CSE1L: variants seen among roughly 807,000 people sequenced by gnomAD.
The protein encoded by CSE1L is chromosome segregation 1 like, also known as exportin-2.
A neutral mutation model predicts 120.4 loss-of-function variants in CSE1L; 24 were observed. That is an observed-to-expected ratio of 0.20 (90% CI 0.14 to 0.28). The LOEUF (loss-of-function observed/expected upper bound fraction) is 0.28, where lower values mean the gene tolerates loss of function less well. Among genes scored for constraint, CSE1L ranks in the 10% least tolerant of loss-of-function variants. The pLI is 1.00. For synonymous variants in CSE1L, 402 were observed against 398.3 expected (o/e 1.01, Z -0.11); for missense variants, 830 against 1,145.2 (o/e 0.72, Z 3.97).
At chr20:49,075,217 C>G (rs890229918) in intron 11 of CSE1L, 101 bp from the exon 12 acceptor site, 1 of 959,430 alleles carries the variant, frequency 1.0e-6, no homozygotes, top group Non-Finnish European at 1.5e-6. Context: ...GTTTTACAAT[C>G]GTAGCCAAAT....
rs1413169724 is a variant in CSE1L at position 49,096,733 on chromosome 20, T to G, written c.*295T>G. 3.0e-6 allele frequency: 1 copy of G among 328,358 alleles called. No homozygotes were observed. The highest frequency in any genetic ancestry group is 2.1e-5 in the African/African-American group (1 of 46,866). The allele number at this position is 328,358 out of a possible 1,614,324, so 20.3% of individuals were successfully genotyped here. A position where few individuals can be genotyped will look rare whatever the true frequency, so the allele number is the denominator to read the frequency against. On this transcript the variant is annotated 3_prime_UTR_variant, in exon 25 of 25. Coordinates refer to ENST00000262982, the MANE Select transcript of CSE1L (RefSeq NM_001316.4). ...GCACGGTTTGGATAATCTTAAATTT[T>G]GACGGACACTGTGGAGACTTTCTGT... is the stretch of plus-strand genomic sequence containing the variant.
At chr20:49,065,586 ATTTTTT>A (rs1169151375) in intron 3 of CSE1L, among the ~76,000 whole-genome samples, 5 of 76,320 alleles carry the variant, frequency 6.6e-5, no homozygotes, top group Non-Finnish European at 9.4e-5. Context: ...TAAAATGGAA[ATTTTTT>A]TTTTTTTTTT....
chr20:49,058,632 T>G (rs747648935), intron 2 of CSE1L, 84 bp downstream of exon 2: 17 of 1,050,380 alleles, frequency 1.6e-5, no homozygotes, highest in Non-Finnish European at 2.4e-5. Context: ...TCCTTATAAA[T>G]ATATTTTAAA....
At chr20:49,071,569 G>A (rs1406070895) in intron 8 of CSE1L, among the ~76,000 whole-genome samples, 2 of 151,974 alleles carry the variant, frequency 1.3e-5, no homozygotes, top group Non-Finnish European at 2.9e-5. Context: ...CTGCAGCTTC[G>A]ACCTCCCTGG....
intron 7 of CSE1L, among the ~76,000 whole-genome samples, chr20:49,069,830 A>G (rs1568772348): frequency 6.6e-6 from 1 of 152,238 alleles, no homozygotes; most frequent in Admixed American, 6.5e-5. Flanking sequence ...TAACTAAAAG[A>G]CAATTAGTTT....
chr20:49,075,497 G>A lies in CSE1L; in HGVS notation c.1312G>A (p.Ala438Thr). The change falls in exon 12 of 25, where the codon GCA (alanine) becomes ACA (threonine). Residue 438 changes from alanine (A) to threonine (T), a missense_variant. By Grantham distance (58) the Ala-to-Thr change is moderately conservative. This residue lies in a region of CSE1L where 543 missense variants were observed against 640.2 expected (regional missense o/e 0.85). Coordinates refer to ENST00000262982, the MANE Select transcript of CSE1L (RefSeq NM_001316.4). ...AGCCATCTACCTAGTGACATCTTTG[G>A]CATCAAAAGCCCAAACACAGAAGGT... ...DAAIYLVTSLASKAQTQKHGI... is the reference protein window; with the variant it reads ...DAAIYLVTSLTSKAQTQKHGI... 1.9e-6 allele frequency: 3 copies of A among 1,613,966 alleles called. No homozygotes were observed. The highest frequency in any genetic ancestry group is 1.7e-6 in the Non-Finnish European group (2 of 1,179,952).
At chr20:49,083,299 G>A (rs1167201885) in intron 14 of CSE1L, among the ~76,000 whole-genome samples, 4 of 152,172 alleles carry the variant, frequency 2.6e-5, no homozygotes, top group Non-Finnish European at 4.4e-5. Context: ...GATTACAGGC[G>A]TGAGCCGCCA....
chr20:49,089,912 G>GT (rs1196389376), intron 19 of CSE1L, among the ~76,000 whole-genome samples, 166 bp downstream of exon 19: 1 of 152,118 alleles, frequency 6.6e-6, no homozygotes, highest in Non-Finnish European at 1.5e-5. Context: ...GAGCCGAGGA[G>GT]TTTAAGACCA....
chr20:49,089,472 A>G, intron 18 of CSE1L, 66 bp from the exon 19 acceptor site: 2 of 1,605,534 alleles, frequency 1.2e-6, no homozygotes, highest in Non-Finnish European at 1.7e-6. Flanking sequence ...CACCTAAGCG[A>G]TGTGGGCCTT....
At chr20:49,080,037 G>A (rs886585887) in intron 14 of CSE1L, among the ~76,000 whole-genome samples, 1 of 152,134 alleles carries the variant, frequency 6.6e-6, no homozygotes, top group Admixed American at 6.6e-5. Flanking sequence ...TCATGCCATT[G>A]CACTCCAGCC....
chr20:49,068,819 T>C lies in CSE1L; in HGVS notation c.672T>C (p.Phe224=). 6.3e-7 allele frequency: 1 copy of C among 1,578,870 alleles called. No individual in the cohort carries two copies. Among genetic ancestry groups the C allele is most frequent in the Non-Finnish European group, 8.7e-7 (1 of 1,147,710 alleles). ...CAAAATTGTTCTATAGTTTAAACTT[T>C]CAGGTAAGTTCATTTGATTTCTTGC... The part of the protein sequence containing the change: ...LISKLFYSLN[F]QDLPEFFEDN... The change falls in exon 7 of 25, where the codon TTT becomes TTC. Residue 224 remains phenylalanine, a synonymous_variant. Transcript: ENST00000262982.
At position 49,077,061 on chromosome 20, in the gene CSE1L, A is replaced by C. The variant is rs896106185; in HGVS notation, c.1417A>C (p.Asn473His). ...NHILPDLKSANVNEFPVLKAD... is the reference protein window; with the variant it reads ...NHILPDLKSAHVNEFPVLKAD... ...CATCCTCCCTGATTTAAAATCAGCT[A>C]ATGGTGAGTTGTGAAATTCTTGCTT... is the stretch of plus-strand genomic sequence containing the variant. Residue 473 changes from asparagine to histidine, a missense_variant, in exon 13 of 25, where the codon AAT (asparagine) becomes CAT (histidine). Coordinates refer to ENST00000262982, the MANE Select transcript of CSE1L (RefSeq NM_001316.4). 2.5e-6 allele frequency: 4 copies of C among 1,600,232 alleles called. No individual in the cohort carries two copies. Among genetic ancestry groups the C allele is most frequent in the Non-Finnish European group, 3.4e-6 (4 of 1,173,294 alleles).
intron 1 of CSE1L, among the ~76,000 whole-genome samples, chr20:49,050,457 C>G (rs2091758103): frequency 7.4e-6 from 1 of 134,716 alleles, no homozygotes; most frequent in Non-Finnish European, 1.5e-5. Context: ...AGCTAGAGTG[C>G]AATGGTGCAG....
rs990837414 is a variant in CSE1L at position 49,096,050 on chromosome 20, T to G, written c.2827-299T>G. 5.9e-6 allele frequency: 3 copies of G among 512,648 alleles called. 1 individual carries two copies. The Admixed American group carries it at 9.2e-5, about 16-fold the overall frequency. The allele number at this position is 512,648 out of a possible 1,614,324, so 31.8% of individuals were successfully genotyped here. On this transcript the variant is annotated intron_variant, in intron 24 of 24. Coordinates refer to ENST00000262982, the MANE Select transcript of CSE1L (RefSeq NM_001316.4). ...TTTTATTCTCTGTATTGAGCAAGTC[T>G]TAGACATCATACGTTTCACGCGTAA...
At chr20:49,055,034 C>A (rs2091795661) in intron 1 of CSE1L, among the ~76,000 whole-genome samples, 1 of 152,226 alleles carries the variant, frequency 6.6e-6, no homozygotes, top group Non-Finnish European at 1.5e-5. Context: ...CTTTGTGATT[C>A]ATTTGGCACT....
At position 49,072,759 on chromosome 20, in the gene CSE1L, TATTC is replaced by T. The variant is rs948401429; in HGVS notation, c.1066+64_1066+67del. On this transcript the variant is annotated intron_variant, in intron 10 of 24. Transcript: ENST00000262982. ...AAGTCTGTGTTTGTTTTTTGTAACATATTCAGTCTAATTCATTTATTACTGGATA... is the reference window on the plus strand; with the variant it reads ...AAGTCTGTGTTTGTTTTTTGTAACATAGTCTAATTCATTTATTACTGGATA... 9.7e-6 allele frequency: 14 copies of T among 1,442,288 alleles called. No individual in the cohort carries two copies. In the African/African-American group the frequency reaches 1.6e-4, roughly 16 times the overall value. The allele number at this position is 1,442,288 out of a possible 1,614,324, so 89.3% of individuals were successfully genotyped here.
chr20:49,075,575 C>G, intron 12 of CSE1L, 55 bp downstream of exon 12: 1 of 1,390,464 alleles, frequency 7.2e-7, no homozygotes, highest in Admixed American at 1.8e-5. Context: ...GACACCCACA[C>G]AAGTCAAAAA....
intron 1 of CSE1L, among the ~76,000 whole-genome samples, chr20:49,055,749 C>T (rs758624200): frequency 1.2e-4 from 18 of 152,164 alleles, no homozygotes; most frequent in Admixed American, 2.0e-4. Context: ...AAATTCCTTA[C>T]TGTAAATGTA....
chr20:49,079,809 G>T (rs1304468502), intron 14 of CSE1L, among the ~76,000 whole-genome samples: 1 of 152,128 alleles, frequency 6.6e-6, no homozygotes, highest in Non-Finnish European at 1.5e-5. Context: ...GCCAGGCATG[G>T]TGGCTTGTGC....
Sources: allele counts gnomAD v4.1 joint callset (sites outside exome capture counted in the v4.1 genomes callset), GRCh38; gene constraint gnomAD v4.1.1; regional missense constraint gnomAD v4.1.1; transcripts MANE v1.5; gene names NCBI Gene and HGNC (gene_info 2026-07-23, HGNC 2026-07-21).